DUS2: variants seen among roughly 807,000 people sequenced by gnomAD.
The protein encoded by DUS2 is tRNA-dihydrouridine(20) synthase [NAD(P)+]-like.
Under a neutral mutation model 71.3 loss-of-function variants are expected in DUS2, and 52 were observed. The ratio of observed to expected loss-of-function variants is 0.73; its 90% CI spans 0.58 to 0.92. DUS2 has a LOEUF of 0.92. Ranked by LOEUF, DUS2 falls within the 40% of genes least tolerant of loss-of-function variation. DUS2 has a pLI of 0.00. For synonymous variants in DUS2, 204 were observed against 227.8 expected (o/e 0.90, Z 0.94); for missense variants, 558 against 622.6 (o/e 0.90, Z 1.10).
Position 68,038,137 on chromosome 16 carries a change from T to C in DUS2, c.114T>C (p.Ile38=), listed in dbSNP as rs2033562404. Residue 38 remains isoleucine (I), a synonymous_variant, in exon 3 of 17, where the codon ATT becomes ATC. Transcript: ENST00000565263. ...TGGCCCTGGATTATGGAGCGGACAT[T>C]GTTTACTGTGAGGTAAGGGGCTCTG... ...RLLALDYGAD[I]VYCEELIDLK... is the part of the protein sequence containing the mutation. The C allele has an allele frequency of 1.2e-6, 2 of 1,613,792 alleles. No homozygotes were observed. The highest frequency in any genetic ancestry group is 2.2e-5 in the East Asian group (1 of 44,886).
At chr16:68,056,276 C>A in intron 6 of DUS2, 88 bp from the exon 7 acceptor site, 1 of 1,139,956 alleles carries the variant, frequency 8.8e-7, no homozygotes, top group Non-Finnish European at 1.3e-6. Flanking sequence ...GTAAGAGGTT[C>A]ATGAGCACAG....
chr16:68,027,690 A>C (rs117142658), intron 2 of DUS2, among the ~76,000 whole-genome samples: 1 of 152,256 alleles, frequency 6.6e-6, no homozygotes, highest in Admixed American at 6.5e-5. Flanking sequence ...TTGCTCTTCT[A>C]TTAATAGTTG....
intron 3 of DUS2, among the ~76,000 whole-genome samples, chr16:68,047,725 T>A (rs978876099): frequency 2.6e-5 from 4 of 151,666 alleles, no homozygotes; most frequent in African/African-American, 9.7e-5. Context: ...TCAAGTGATC[T>A]GCCTGACTCG....
At chr16:68,032,509 G>A (rs561553143) in intron 2 of DUS2, among the ~76,000 whole-genome samples, 1 of 152,282 alleles carries the variant, frequency 6.6e-6, no homozygotes, top group South Asian at 2.1e-4. Flanking sequence ...TGGGACCAGG[G>A]ACCTGAATTT....
chr16:68,034,960 C>T (rs1198417473), intron 2 of DUS2, among the ~76,000 whole-genome samples: 1 of 152,020 alleles, frequency 6.6e-6, no homozygotes, highest in African/African-American at 2.4e-5. Flanking sequence ...AAGATTGCAC[C>T]ACTGCACCAC....
At chr16:68,061,912 C>T (rs1252519908) in intron 8 of DUS2, among the ~76,000 whole-genome samples, 1 of 152,226 alleles carries the variant, frequency 6.6e-6, no homozygotes, top group Non-Finnish European at 1.5e-5. Context: ...GCCCCACTGT[C>T]TCTGGGACAT....
chr16:68,066,562 T>A lies in DUS2; in HGVS notation c.484-4T>A, dbSNP rs772095369. The A allele has an allele frequency of 2.5e-6, 4 of 1,614,184 alleles. No individual in the cohort carries two copies. The South Asian group carries it at 4.4e-5, about 18-fold the overall frequency. Reference sequence around the variant, plus strand: ...TAACCATCCTGTGTGGTCCTCCTCCTCAGCTAGAAGATACCCTGAGCCTTG... The same window carrying A: ...TAACCATCCTGTGTGGTCCTCCTCCACAGCTAGAAGATACCCTGAGCCTTG... On this transcript the variant is annotated splice_region_variant and splice_polypyrimidine_tract_variant and intron_variant, in intron 9 of 16. Transcript: ENST00000565263.
intron 2 of DUS2, among the ~76,000 whole-genome samples, chr16:68,033,873 C>G (rs996837024): frequency 2.0e-5 from 3 of 151,928 alleles, no homozygotes; most frequent in African/African-American, 7.3e-5. Flanking sequence ...CTCGAGTGAT[C>G]CACCCACCTC....
chr16:68,033,546 A>G (rs976275334), intron 2 of DUS2, among the ~76,000 whole-genome samples: 2 of 151,588 alleles, frequency 1.3e-5, no homozygotes, highest in African/African-American at 2.4e-5. Context: ...GTGCAGTGGC[A>G]TGATCATGGC....
intron 8 of DUS2, among the ~76,000 whole-genome samples, chr16:68,063,720 T>A (rs953127711): frequency 7.2e-5 from 11 of 152,140 alleles, no homozygotes; most frequent in East Asian, 3.8e-4. Flanking sequence ...TTTATTTTTT[T>A]AAATATTTAT....
At chr16:68,073,267 T>C (rs1430733481) in intron 12 of DUS2, among the ~76,000 whole-genome samples, 1 of 152,094 alleles carries the variant, frequency 6.6e-6, no homozygotes, top group African/African-American at 2.4e-5. Context: ...CTTTTTAATT[T>C]ATTTTTATTT....
At chr16:68,077,993 C>G in intron 15 of DUS2, 1 of 174,008 alleles carries the variant, frequency 5.7e-6, no homozygotes, top group East Asian at 1.6e-4. Flanking sequence ...CAAGCCAGCA[C>G]CTCAGCATAG....
chr16:68,063,371 G>A (rs898061957), intron 8 of DUS2, among the ~76,000 whole-genome samples: 4 of 152,116 alleles, frequency 2.6e-5, no homozygotes, highest in African/African-American at 7.2e-5. Context: ...TTTTAGGCCC[G>A]TGGTTCCATC....
intron 5 of DUS2, 58 bp from the exon 6 acceptor site, chr16:68,054,516 G>A: frequency 6.3e-7 from 1 of 1,591,438 alleles, no homozygotes; most frequent in Non-Finnish European, 8.6e-7. Flanking sequence ...GGGTGTGTTT[G>A]TCAGTGCATG....
intron 1 of DUS2, chr16:68,023,579 G>T: frequency 4.3e-6 from 1 of 230,718 alleles, no homozygotes. Flanking sequence ...GGTATCCGAG[G>T]TTGCAGCTGT....
chr16:68,029,644 G>T (rs1009422127), intron 2 of DUS2, among the ~76,000 whole-genome samples: 1 of 151,902 alleles, frequency 6.6e-6, no homozygotes, highest in African/African-American at 2.4e-5. Flanking sequence ...GATGGGGTTT[G>T]CCATGTTGCC....
In DUS2 at chr16:68,079,143, G is replaced by A; in HGVS notation, c.*157G>A. ...CCATCAGCCTAGAGCATGGACCAGG[G>A]GCCGCCCAGGGGTGGATCCTGGCCC... On this transcript the variant is annotated 3_prime_UTR_variant, in exon 17 of 17. Coordinates refer to ENST00000565263, the MANE Select transcript of DUS2 (RefSeq NM_017803.5). 4 of 627,436 alleles carry A rather than the reference G, an allele frequency of 6.4e-6. No homozygotes were observed. The highest frequency in any genetic ancestry group is 5.8e-5 in the South Asian group (2 of 34,278). 38.9% of individuals were successfully genotyped at this position (627,436 alleles called of 1,614,324 possible).
At chr16:68,040,720 GC>G (rs900224661) in intron 3 of DUS2, among the ~76,000 whole-genome samples, 3 of 151,886 alleles carry the variant, frequency 2.0e-5, no homozygotes, top group African/African-American at 7.3e-5. Flanking sequence ...CTGGGACTGG[GC>G]CCCCGGGCAT....
intron 8 of DUS2, among the ~76,000 whole-genome samples, chr16:68,062,783 C>CTA (rs1485225937): frequency 6.7e-6 from 1 of 149,400 alleles, no homozygotes; most frequent in African/African-American, 2.5e-5. Flanking sequence ...AGCTTGTGAA[C>CTA]TATAGTCTCT....
Sources: allele counts gnomAD v4.1 joint callset (sites outside exome capture counted in the v4.1 genomes callset), GRCh38; gene constraint gnomAD v4.1.1; transcripts MANE v1.5; gene names NCBI Gene and HGNC (gene_info 2026-07-23, HGNC 2026-07-21).